CELF4: variants seen among roughly 807,000 people sequenced by gnomAD.
CELF4 encodes the protein CUG-BP- and ETR-3-like factor 4.
In CELF4, 18 loss-of-function variants were observed where a neutral mutation model predicts 59.9. The ratio of observed to expected loss-of-function variants is 0.30; its 90% CI spans 0.21 to 0.45. CELF4 has a LOEUF of 0.45. CELF4 is among the 20% of genes least tolerant of loss of function. The probability of loss-of-function intolerance (pLI) is 1.00; values close to 1 mark genes in which losing one functional copy is unlikely to be tolerated. For missense variants in CELF4, 456 were observed against 689.0 expected (o/e 0.66, Z 3.79); for synonymous variants, 261 against 267.1 (o/e 0.98, Z 0.22).
chr18:37,546,727 C>T (rs887724861), intron 1 of CELF4, among the ~76,000 whole-genome samples: 5 of 152,224 alleles, frequency 3.3e-5, no homozygotes, highest in Admixed American at 3.3e-4. Flanking sequence ...AGCAGAACCA[C>T]AGGATGCAGT....
Position 37,244,267 on chromosome 18 carries a change from G to A in CELF4, c.*975C>T, listed in dbSNP as rs2061304761. 6.6e-6 allele frequency: 1 copy of A among 151,712 alleles called. No homozygotes were observed. The highest frequency in any genetic ancestry group is 1.5e-5 in the Non-Finnish European group (1 of 67,926). 9.4% of individuals were successfully genotyped at this position (151,712 alleles called of 1,614,324 possible). On this transcript the variant is annotated 3_prime_UTR_variant, in exon 13 of 13. Coordinates refer to ENST00000420428, the MANE Select transcript of CELF4 (RefSeq NM_020180.4). The stretch of plus-strand genomic sequence containing the variant: ...TGTACAACTATTATGATTTTAAGAG[G>A]GGGAAGAGTTAGAAGCATTTACAGA...
rs1040820277 is a variant in CELF4, at chr18:37,254,408, G to C, written c.1334-470C>G. Among the ~76,000 whole-genome samples the C allele has an allele frequency of 1.3e-5, 2 of 151,880 alleles. No individual in the cohort carries two copies. The highest frequency in any genetic ancestry group is 4.8e-5 in the African/African-American group (2 of 41,388). On this transcript the variant is annotated intron_variant, in intron 11 of 12. Coordinates refer to ENST00000420428, the MANE Select transcript of CELF4 (RefSeq NM_020180.4). This position sits in a 1 kb window ranked among gnomAD's most constrained non-coding sequence, Gnocchi z 5.1. ...CCTGGGGAGAGAGACGAGTGCGAGGGGCCGGGAGGGAGGCGCCGCCGAGAA... is the reference window on the plus strand; with the variant it reads ...CCTGGGGAGAGAGACGAGTGCGAGGCGCCGGGAGGGAGGCGCCGCCGAGAA...
At chr18:37,374,945 T>C (rs473330) in intron 2 of CELF4, among the ~76,000 whole-genome samples, 73,629 of 152,036 alleles carry the variant, frequency 0.48, 18,729 homozygotes, top group East Asian at 0.69. Flanking sequence ...ACTCTTGCAG[T>C]TGGAGCATGG....
At chr18:37,321,782 C>T in intron 3 of CELF4, 21 bp downstream of exon 3, 1 of 1,571,130 alleles carries the variant, frequency 6.4e-7, no homozygotes, top group Non-Finnish European at 8.7e-7. Context: ...GGGGGAGGGG[C>T]AGAGACAAGT....
At chr18:37,386,306 T>C (rs1393318643) in intron 2 of CELF4, among the ~76,000 whole-genome samples, 2 of 152,228 alleles carry the variant, frequency 1.3e-5, no homozygotes, top group Admixed American at 6.5e-5. Context: ...AGGAAGCCTT[T>C]ACAGAGGTGG....
intron 2 of CELF4, among the ~76,000 whole-genome samples, chr18:37,470,079 CT>C (rs1176359731): frequency 6.6e-6 from 1 of 152,212 alleles, no homozygotes; most frequent in Admixed American, 6.5e-5. Flanking sequence ...CTGTTAGATA[CT>C]GAATACTTAA....
Position 37,264,766 on chromosome 18 carries a change from C to A in CELF4, c.1166-9G>T. 1 of 1,565,254 alleles carries A rather than the reference C, an allele frequency of 6.4e-7. No homozygotes were observed. The highest frequency in any genetic ancestry group is 8.7e-7 in the Non-Finnish European group (1 of 1,154,064). ...AGCAGGGTAGGCAGCTGCTGGAGGCCCAAGACAAGAAGCAAGAGCCGGCGA... is the reference window on the plus strand; with the variant it reads ...AGCAGGGTAGGCAGCTGCTGGAGGCACAAGACAAGAAGCAAGAGCCGGCGA... On this transcript the variant is annotated splice_polypyrimidine_tract_variant and intron_variant, in intron 9 of 12. Coordinates refer to ENST00000420428, the MANE Select transcript of CELF4 (RefSeq NM_020180.4).
At chr18:37,476,901 C>T (rs2099851240) in intron 2 of CELF4, among the ~76,000 whole-genome samples, 1 of 152,262 alleles carries the variant, frequency 6.6e-6, no homozygotes, top group Non-Finnish European at 1.5e-5. Flanking sequence ...GCGGCGAATG[C>T]CTGGGCCAAA....
Position 37,528,921 on chromosome 18 carries a change from T to C in CELF4, c.286+36435A>G, listed in dbSNP as rs529791787. 3 of 152,284 alleles carry C rather than the reference T, an allele frequency of 2.0e-5. No individual in the cohort carries two copies. In the South Asian group the frequency reaches 6.2e-4, roughly 32 times the overall value. The allele number at this position is 152,284 out of a possible 1,614,324, so 9.4% of individuals were successfully genotyped here. A position where few individuals can be genotyped will look rare whatever the true frequency, so the allele number is the denominator to read the frequency against. Reference sequence around the variant, plus strand: ...TTCTGTAAATTGGTAACTTGGAGGCTAATTGTCATAATTTCAAGTAGGTAA... The same window carrying C: ...TTCTGTAAATTGGTAACTTGGAGGCCAATTGTCATAATTTCAAGTAGGTAA... On this transcript the variant is annotated intron_variant, in intron 1 of 12. Transcript: ENST00000420428.
At chr18:37,317,898 A>G (rs2096923341) in intron 3 of CELF4, among the ~76,000 whole-genome samples, 1 of 152,086 alleles carries the variant, frequency 6.6e-6, no homozygotes, top group Admixed American at 6.5e-5. Context: ...GTGACCGGGA[A>G]TGTGTCTAGA....
At chr18:37,248,890 C>T (rs949428394) in intron 12 of CELF4, among the ~76,000 whole-genome samples, 1 of 151,070 alleles carries the variant, frequency 6.6e-6, no homozygotes, top group African/African-American at 2.4e-5. Context: ...GATCTGCAGG[C>T]TTTCCAGTCC....
chr18:37,426,936 C>T (rs568238389), intron 2 of CELF4, among the ~76,000 whole-genome samples: 2 of 145,302 alleles, frequency 1.4e-5, no homozygotes, highest in South Asian at 4.3e-4. Flanking sequence ...ACTTTAATCC[C>T]AATCACTCCA....
chr18:37,392,617 T>C (rs529916220), intron 2 of CELF4, among the ~76,000 whole-genome samples: 7 of 152,334 alleles, frequency 4.6e-5, no homozygotes, highest in East Asian at 3.9e-4. Flanking sequence ...TGCTACCTAG[T>C]GCAGTATGGC....
Position 37,244,067 on chromosome 18 carries a change from T to C in CELF4, c.*1175A>G, listed in dbSNP as rs898611704. 1.3e-5 allele frequency: 2 copies of C among 156,622 alleles called. No individual in the cohort carries two copies. The highest frequency in any genetic ancestry group is 4.8e-5 in the African/African-American group (2 of 41,502). The allele number at this position is 156,622 out of a possible 1,614,324, so 9.7% of individuals were successfully genotyped here. A position where few individuals can be genotyped will look rare whatever the true frequency, so the allele number is the denominator to read the frequency against. On this transcript the variant is annotated 3_prime_UTR_variant, in exon 13 of 13. Transcript: ENST00000420428. ...GACTGCACTCGCGGGGAGAAGGGAT[T>C]GATGCTCTGTCTAAACTCTACAAAA... is the stretch of plus-strand genomic sequence containing the variant.
intron 3 of CELF4, among the ~76,000 whole-genome samples, chr18:37,318,947 A>C (rs1330408535): frequency 6.6e-6 from 1 of 151,892 alleles, no homozygotes; most frequent in African/African-American, 2.4e-5. Context: ...GCCCTTGTTC[A>C]TGCCATCCCC....
intron 2 of CELF4, among the ~76,000 whole-genome samples, chr18:37,425,895 G>T (rs2099609077): frequency 6.6e-6 from 1 of 152,230 alleles, no homozygotes; most frequent in Non-Finnish European, 1.5e-5. Flanking sequence ...GTTAGGTGCT[G>T]GGGGTAGCAC....
intron 2 of CELF4, among the ~76,000 whole-genome samples, chr18:37,420,546 T>C (rs144804955): frequency 2.6e-4 from 39 of 152,186 alleles, no homozygotes; most frequent in African/African-American, 8.4e-4. Flanking sequence ...GAGCACTGGG[T>C]GGAGGGGCAC....
chr18:37,316,174 C>T (rs572247798), intron 3 of CELF4, among the ~76,000 whole-genome samples: 4 of 152,242 alleles, frequency 2.6e-5, no homozygotes, highest in Admixed American at 2.6e-4. Flanking sequence ...AGGCATAGGA[C>T]ACTGCAGCGC....
At chr18:37,448,121 T>G (rs998776534) in intron 2 of CELF4, among the ~76,000 whole-genome samples, 1 of 152,236 alleles carries the variant, frequency 6.6e-6, no homozygotes, top group Non-Finnish European at 1.5e-5. Context: ...GAGCATCGCA[T>G]AGTCATTACA....
Sources: gnomAD v4.1 joint callset for allele counts (sites outside exome capture counted in the v4.1 genomes callset) on GRCh38, gnomAD v4.1.1 for gene constraint, Gnocchi (gnomAD v3.1) non-coding constraint, MANE v1.5 for transcripts, NCBI Gene and HGNC (gene_info 2026-07-23, HGNC 2026-07-21) for gene names.